The following ENTHD1 variants were observed in gnomAD, a reference collection of about 807,000 sequenced individuals.
ENTHD1 encodes the protein ENTH domain-containing protein 1.
A neutral mutation model predicts 39.1 loss-of-function variants in ENTHD1; 23 were observed. That is an observed-to-expected ratio of 0.59 (90% CI 0.42 to 0.83). The LOEUF (loss-of-function observed/expected upper bound fraction) is 0.83, where lower values mean the gene tolerates loss of function less well. Ranked by LOEUF, ENTHD1 falls within the 40% of genes least tolerant of loss-of-function variation. The pLI, the probability that ENTHD1 is intolerant of heterozygous loss-of-function variation, is 0.00. For synonymous variants in ENTHD1, 230 were observed against 258.2 expected, an observed-to-expected ratio of 0.89 and a Z score of 1.05; for missense variants, 624 against 705.4, an observed-to-expected ratio of 0.88 and a Z score of 1.31.
intron 5 of ENTHD1, among the ~76,000 whole-genome samples, chr22:39,773,937 C>T (rs1158610082): frequency 1.3e-5 from 2 of 152,120 alleles, no homozygotes; most frequent in South Asian, 2.1e-4. Flanking sequence ...GTAAAGGGAA[C>T]AATTTCAGCA....
At chr22:39,770,391 C>G (rs528901561) in intron 5 of ENTHD1, among the ~76,000 whole-genome samples, 1 of 152,068 alleles carries the variant, frequency 6.6e-6, no homozygotes, top group Non-Finnish European at 1.5e-5. Flanking sequence ...AGAAAGAATG[C>G]GTTCTTGCCA....
chr22:39,762,322 C>T (rs149146423), intron 6 of ENTHD1, among the ~76,000 whole-genome samples: 2 of 152,290 alleles, frequency 1.3e-5, no homozygotes, highest in African/African-American at 4.8e-5. Context: ...CAGAACTGAA[C>T]TCTCTTTTGA....
chr22:39,887,439 T>C lies in ENTHD1; in HGVS notation c.310A>G (p.Lys104Glu), dbSNP rs1467958939. 4 of 1,612,174 alleles carry C rather than the reference T, an allele frequency of 2.5e-6. No individual in the cohort carries two copies. The African/African-American group carries it at 5.4e-5, about 22-fold the overall frequency. Residue 104 changes from lysine (K) to glutamate (E), a missense_variant, in exon 2 of 7, where the codon AAA becomes GAA. Transcript: ENST00000325157. ...GCTTCATCTATGTGCTGAAAATCTT[T>C]TAGTGTTTGAAGGTTACAGAACCCC... ...REGFCNLQTL[K>E]DFQHIDEAGK...
intron 2 of ENTHD1, among the ~76,000 whole-genome samples, chr22:39,869,018 G>A (rs538042728): frequency 1.3e-5 from 2 of 152,314 alleles, no homozygotes; most frequent in South Asian, 2.1e-4. Flanking sequence ...GTATACTACT[G>A]GTGGGAATGT....
chr22:39,855,818 A>G (rs1045730643), intron 3 of ENTHD1, among the ~76,000 whole-genome samples: 6 of 152,162 alleles, frequency 3.9e-5, no homozygotes, highest in African/African-American at 1.4e-4. Context: ...TCAGTCATAG[A>G]ACACCTACAA....
chr22:39,887,415 C>A lies in ENTHD1; in HGVS notation c.334G>T (p.Ala112Ser), dbSNP rs753490587. ...TAACCATTACCTTGGTCTTTTCCAGCTTCATCTATGTGCTGAAAATCTTTT... is the reference window on the plus strand; with the variant it reads ...TAACCATTACCTTGGTCTTTTCCAGATTCATCTATGTGCTGAAAATCTTTT... ...TLKDFQHIDE[A>S]GKDQGYYIRE... is the part of the protein sequence containing the mutation. The change falls in exon 2 of 7, where the codon GCT becomes TCT. Residue 112 changes from alanine (A) to serine (S), a missense_variant. Coordinates refer to ENST00000325157, the MANE Select transcript of ENTHD1 (RefSeq NM_152512.4). 16 of 1,608,224 alleles carry A rather than the reference C, an allele frequency of 9.9e-6. No homozygotes were observed. The Admixed American group carries it at 2.7e-4, about 27-fold the overall frequency.
intron 3 of ENTHD1, among the ~76,000 whole-genome samples, chr22:39,843,144 T>C (rs1345881393): frequency 6.6e-6 from 1 of 152,086 alleles, no homozygotes; most frequent in East Asian, 1.9e-4. Flanking sequence ...CATGCTGCTA[T>C]AAAGACACAT....
rs17001484 is a variant in ENTHD1, at chr22:39,865,414, A to T, written c.350-3407T>A. ...ACTAGCCTGGCTGTTCAAAAGCATC[A>T]AAGTTGAAAGTGAGAAAATCTAAGA... On this transcript the variant is annotated intron_variant, in intron 2 of 6. Coordinates refer to ENST00000325157, the MANE Select transcript of ENTHD1 (RefSeq NM_152512.4). 1.2e-3 allele frequency among the ~76,000 whole-genome samples: 185 copies of T among 152,270 alleles called. 1 individual carries two copies. In the East Asian group the frequency reaches 0.03, roughly 25 times the overall value.
At chr22:39,889,543 C>T (rs1407982431) in intron 1 of ENTHD1, among the ~76,000 whole-genome samples, 1 of 152,148 alleles carries the variant, frequency 6.6e-6, no homozygotes, top group African/African-American at 2.4e-5. Flanking sequence ...TCAGATTTTA[C>T]TAGAGAAACT....
rs1328693172 is a variant in ENTHD1 at position 39,878,954 on chromosome 22, T to C, written c.349+8446A>G. On this transcript the variant is annotated intron_variant, in intron 2 of 6. Coordinates refer to ENST00000325157, the MANE Select transcript of ENTHD1 (RefSeq NM_152512.4). The stretch of plus-strand genomic sequence containing the variant: ...GGTACTAGCACTACCCATGAGGCAA[T>C]ATAGTGTTATTCATTAAAATTAAAA... Among the ~76,000 whole-genome samples the C allele has an allele frequency of 4.6e-5, 7 of 151,996 alleles. 1 individual carries two copies. In the South Asian group the frequency reaches 1.5e-3, roughly 32 times the overall value.
chr22:39,851,143 T>C (rs2066034580), intron 3 of ENTHD1, among the ~76,000 whole-genome samples: 2 of 152,198 alleles, frequency 1.3e-5, no homozygotes, highest in South Asian at 2.1e-4. Context: ...ATTTCTAAGA[T>C]ACTATGTCAC....
At chr22:39,815,082 C>A (rs538915364) in intron 5 of ENTHD1, among the ~76,000 whole-genome samples, 1 of 152,254 alleles carries the variant, frequency 6.6e-6, no homozygotes, top group South Asian at 2.1e-4. Context: ...GACATGGACA[C>A]GTCAGATGAG....
At chr22:39,817,769 C>T in intron 5 of ENTHD1, among the ~76,000 whole-genome samples, 1 of 152,028 alleles carries the variant, frequency 6.6e-6, no homozygotes, top group East Asian at 1.9e-4. Flanking sequence ...CTTCTGGGAA[C>T]ATAGTGAAAG....
chr22:39,745,151 C>T lies in ENTHD1; in HGVS notation c.1220-868G>A, dbSNP rs191251824. On this transcript the variant is annotated intron_variant, in intron 6 of 6. Transcript: ENST00000325157. ...TGCATTTAAAGTTCTGAGAAATCTT[C>T]GGTAATTTATTCAAGTGTCTTCCAA... 3.9e-5 allele frequency among the ~76,000 whole-genome samples: 6 copies of T among 152,250 alleles called. 1 individual carries two copies. The highest frequency in any genetic ancestry group is 1.2e-4 in the African/African-American group (5 of 41,544).
chr22:39,823,018 C>G (rs565247671), intron 4 of ENTHD1, among the ~76,000 whole-genome samples: 1 of 152,232 alleles, frequency 6.6e-6, no homozygotes, highest in South Asian at 2.1e-4. Context: ...TTTCTGATGC[C>G]CTTTCATAGA....
intron 3 of ENTHD1, among the ~76,000 whole-genome samples, chr22:39,857,004 GT>G (rs1321662866): frequency 2.6e-5 from 4 of 152,168 alleles, no homozygotes; most frequent in African/African-American, 9.7e-5. Flanking sequence ...CTCAATATGT[GT>G]TTGTCGTATT....
chr22:39,838,279 T>C lies in ENTHD1; in HGVS notation c.593-2321A>G, dbSNP rs552745580. On this transcript the variant is annotated intron_variant, in intron 3 of 6. Transcript: ENST00000325157. ...GAAAGTAAATTACTCCTTATGACTG[T>C]TTAACAAGTCTTTTTCTAAGTAGGG... Among the ~76,000 whole-genome samples, 14 of 152,292 alleles carry C rather than the reference T, an allele frequency of 9.2e-5. No individual in the cohort carries two copies. In the South Asian group the frequency reaches 2.1e-3, roughly 23 times the overall value.
At chr22:39,854,848 T>C (rs907410945) in intron 3 of ENTHD1, among the ~76,000 whole-genome samples, 2 of 152,230 alleles carry the variant, frequency 1.3e-5, no homozygotes, top group Admixed American at 6.5e-5. Flanking sequence ...ATTTCCTGCA[T>C]TCAATTTTAC....
Position 39,887,580 on chromosome 22 carries a change from G to A in ENTHD1, c.169C>T (p.Leu57=). 1 of 1,614,164 alleles carries A rather than the reference G, an allele frequency of 6.2e-7. No individual in the cohort carries two copies. The highest frequency in any genetic ancestry group is 8.5e-7 in the Non-Finnish European group (1 of 1,180,028). The change falls in exon 2 of 7, where the codon CTG becomes TTG. Residue 57 remains leucine, a synonymous_variant. Coordinates refer to ENST00000325157, the MANE Select transcript of ENTHD1 (RefSeq NM_152512.4). ...CCATGGTCATTGAGTCTGTGCCACA[G>A]CATATTCATAATCTCTGAGAGAGAA... The part of the protein sequence containing the change: ...TISLSEIMNM[L]WHRLNDHGKN...
Sources: allele counts gnomAD v4.1 joint callset (sites outside exome capture counted in the v4.1 genomes callset), GRCh38; gene constraint gnomAD v4.1.1; transcripts MANE v1.5; gene names NCBI Gene and HGNC (gene_info 2026-07-23, HGNC 2026-07-21).